Variants in INSL6 observed in about 807,000 individuals in gnomAD.
INSL6 encodes the protein insulin like 6.
A neutral mutation model predicts 9.4 loss-of-function variants in INSL6; 16 were observed. That is an observed-to-expected ratio of 1.70 (90% CI 1.15 to 2.59). INSL6 has a LOEUF of 2.59. INSL6 is among the 30% of genes most tolerant of loss of function. INSL6 has a pLI of 0.00. For missense variants in INSL6, 391 were observed against 257.3 expected, an observed-to-expected ratio of 1.52 and a Z score of -3.56; for synonymous variants, 154 against 96.9, an observed-to-expected ratio of 1.59 and a Z score of -3.46.
chr9:5,163,656 T>TGAACAGGTA (rs1824975557), downstream of INSL6, among the ~76,000 whole-genome samples: 1 of 152,098 alleles, frequency 6.6e-6, no homozygotes, highest in African/African-American at 2.4e-5. Flanking sequence ...TAATGACAAG[T>TGAACAGGTA]GAACAGGTAA....
intron 1 of INSL6, among the ~76,000 whole-genome samples, chr9:5,173,937 A>C (rs1204197985): frequency 6.6e-6 from 1 of 152,174 alleles, no homozygotes; most frequent in Non-Finnish European, 1.5e-5. Context: ...TCTGAAAAAG[A>C]ACTTGCATCG....
At chr9:5,111,412 G>C in the INSL6 span, 926 of 401,638 alleles carry the variant, frequency 2.3e-3, 10 homozygotes, top group African/African-American at 0.016. Flanking sequence ...GCCTGGACAC[G>C]CAGCCCACGA....
intron 2 of INSL6, among the ~76,000 whole-genome samples, chr9:5,147,676 C>T (rs1205318895): frequency 1.3e-5 from 2 of 152,220 alleles, no homozygotes; most frequent in African/African-American, 2.4e-5. Flanking sequence ...TTCTCTTTCT[C>T]TCTCAGGAAT....
chr9:5,122,975 T>C (rs925025357), downstream of INSL6: 5 of 1,417,100 alleles, frequency 3.5e-6, no homozygotes, highest in Non-Finnish European at 4.9e-6. Flanking sequence ...CAAGTAACTG[T>C]CTTTTAAATG....
chr9:5,049,065 G>T, the INSL6 span, among the ~76,000 whole-genome samples: 93,880 of 152,044 alleles, frequency 0.62, 31,146 homozygotes, highest in African/African-American at 0.88. Context: ...TCATTCTTTA[G>T]ACAATATATA....
intron 2 of INSL6, among the ~76,000 whole-genome samples, chr9:5,135,862 A>G (rs2130882920): frequency 6.6e-6 from 1 of 152,284 alleles, no homozygotes; most frequent in Admixed American, 6.5e-5. Context: ...AATCAACAAA[A>G]TAGATACACG....
chr9:5,088,310 C>T, the INSL6 span, among the ~76,000 whole-genome samples: 5 of 152,248 alleles, frequency 3.3e-5, no homozygotes, highest in African/African-American at 1.2e-4. Flanking sequence ...CCTACATGGT[C>T]TAGGTTTTTT....
At chr9:5,119,969 G>C (rs1823489766), downstream of INSL6, among the ~76,000 whole-genome samples, 1 of 152,058 alleles carries the variant, frequency 6.6e-6, no homozygotes, top group South Asian at 2.1e-4. Context: ...CTAACTTATT[G>C]AATAATAAAC....
downstream of INSL6, among the ~76,000 whole-genome samples, chr9:5,159,542 A>G (rs1326023550): frequency 2.0e-5 from 3 of 152,210 alleles, no homozygotes; most frequent in Non-Finnish European, 4.4e-5. Flanking sequence ...GACAAAAACT[A>G]TAAAAAGAGA....
At chr9:5,096,489 C>T in the INSL6 span, among the ~76,000 whole-genome samples, 6 of 152,148 alleles carry the variant, frequency 3.9e-5, no homozygotes, top group Non-Finnish European at 1.5e-5. Flanking sequence ...TCTACTTCTC[C>T]CTCCATGTGG....
chr9:5,170,059 A>G (rs1286441321), intron 1 of INSL6, among the ~76,000 whole-genome samples: 1 of 152,148 alleles, frequency 6.6e-6, no homozygotes, highest in Admixed American at 6.5e-5. Flanking sequence ...AACAACAGAT[A>G]TAGATTCTTC....
At chr9:5,042,172 C>T in the INSL6 span, among the ~76,000 whole-genome samples, 437 of 149,678 alleles carry the variant, frequency 2.9e-3, 1 homozygote, top group African/African-American at 0.011. Flanking sequence ...GCTTTGTCGC[C>T]CAGGCCGGAC....
chr9:5,156,014 T>C lies in INSL6; in HGVS notation c.376+8165A>G, dbSNP rs959189275. Among the ~76,000 whole-genome samples, 5 of 151,506 alleles carry C rather than the reference T, an allele frequency of 3.3e-5. No individual in the cohort carries two copies. The South Asian group carries it at 8.3e-4, about 25-fold the overall frequency. ...AACCACACATTATCAAAATCAGTAA[T>C]AAAAAAAGGATTAGCATTTATACAG... On this transcript the variant is annotated intron_variant, in intron 2 of 3. Coordinates refer to the INSL6 transcript ENST00000649639.
intron 2 of INSL6, among the ~76,000 whole-genome samples, chr9:5,153,349 GT>G (rs1020767158): frequency 6.6e-6 from 1 of 152,118 alleles, no homozygotes; most frequent in African/African-American, 2.4e-5. Context: ...CTCGAACTTG[GT>G]GCACGGAGGA....
the INSL6 span, among the ~76,000 whole-genome samples, chr9:5,004,271 C>T: frequency 0.054 from 8,186 of 152,220 alleles, 277 homozygotes; most frequent in Middle Eastern, 0.13. Flanking sequence ...CTTTGACCAA[C>T]GTCTCCCATT....
intron 3 of INSL6, chr9:5,126,947 T>TAGTA (rs1824040255): frequency 2.4e-6 from 1 of 414,340 alleles, no homozygotes; most frequent in South Asian, 5.4e-5. Flanking sequence ...TTTCAAAGTT[T>TAGTA]AGTAAGTTTT....
chr9:5,185,274 T>C, intron 1 of INSL6, 40 bp downstream of exon 1: 3 of 1,613,226 alleles, frequency 1.9e-6, no homozygotes, highest in Non-Finnish European at 1.7e-6. Context: ...ATAAGAAATA[T>C]ACAGAGGTGA....
the INSL6 span, among the ~76,000 whole-genome samples, chr9:5,005,243 C>A: frequency 4.0e-3 from 601 of 151,570 alleles, 11 homozygotes; most frequent in East Asian, 0.037. Context: ...AGCCACTGCA[C>A]CCAGTCTGTA....
the INSL6 span, among the ~76,000 whole-genome samples, chr9:5,062,682 G>C: frequency 2.6e-5 from 4 of 152,156 alleles, no homozygotes; most frequent in South Asian, 8.3e-4. Flanking sequence ...CTCAAAAGGT[G>C]TTTCCAATGT....
Sources: allele counts gnomAD v4.1 joint callset (sites outside exome capture counted in the v4.1 genomes callset), GRCh38; gene constraint gnomAD v4.1.1; transcripts MANE v1.5; gene names NCBI Gene and HGNC (gene_info 2026-07-23, HGNC 2026-07-21).